The following MYO1E variants were observed in gnomAD, a reference collection of about 807,000 sequenced individuals.
The protein encoded by MYO1E is unconventional myosin-Ie.
In MYO1E, 68 loss-of-function variants were observed where a neutral mutation model predicts 151.1. The observed-to-expected ratio is 0.45, with a 90% confidence interval of 0.37 to 0.55. The LOEUF is 0.55. Ranked by LOEUF, MYO1E falls within the 20% of genes least tolerant of loss-of-function variation. The pLI, the probability that MYO1E is intolerant of heterozygous loss-of-function variation, is 0.00. For missense variants in MYO1E, 1,363 were observed against 1,389.3 expected (o/e 0.98, Z 0.30); for synonymous variants, 601 against 501.7 (o/e 1.20, Z -2.64).
chr15:59,146,251 A>G (rs1342699393), intron 26 of MYO1E, among the ~76,000 whole-genome samples: 5 of 152,232 alleles, frequency 3.3e-5, no homozygotes, highest in African/African-American at 1.2e-4. Context: ...ATTTCTAATA[A>G]ACATCACAGA....
In MYO1E at chr15:59,178,305, T is replaced by G. The variant is rs537875558; in HGVS notation, c.2049+88A>C. The G allele has an allele frequency of 1.3e-5, 20 of 1,505,614 alleles. No homozygotes were observed. The African/African-American group carries it at 2.2e-4, about 17-fold the overall frequency. 93.3% of individuals were successfully genotyped at this position (1,505,614 alleles called of 1,614,324 possible). A position where few individuals can be genotyped will look rare whatever the true frequency, so the allele number is the denominator to read the frequency against. ...AACATTGATGGCATGAAGCGAAGAA[T>G]GAGAAAAAGAAGCCAGCTGAGGGGT... is the stretch of plus-strand genomic sequence containing the variant. On this transcript the variant is annotated intron_variant, in intron 19 of 27. Coordinates refer to ENST00000288235, the MANE Select transcript of MYO1E (RefSeq NM_004998.4).
intron 1 of MYO1E, among the ~76,000 whole-genome samples, chr15:59,274,556 C>T (rs1323454428): frequency 6.6e-6 from 1 of 152,088 alleles, no homozygotes; most frequent in South Asian, 2.1e-4. Context: ...CCATAGACAT[C>T]TAAAAATGGA....
chr15:59,227,682 T>C, intron 6 of MYO1E, 92 bp from the exon 7 acceptor site: 2 of 1,500,860 alleles, frequency 1.3e-6, no homozygotes, highest in African/African-American at 1.4e-5. Context: ...TTCAAGGAAA[T>C]TCATTAATAA....
intron 12 of MYO1E, among the ~76,000 whole-genome samples, chr15:59,211,199 C>CAAA (rs34629822): frequency 8.6e-6 from 1 of 116,164 alleles, no homozygotes; most frequent in Admixed American, 8.8e-5. Flanking sequence ...AACTCCAACT[C>CAAA]AAAAAAAAAA....
intron 10 of MYO1E, among the ~76,000 whole-genome samples, chr15:59,216,695 CACA>C: frequency 5.7e-5 from 1 of 17,698 alleles, no homozygotes; most frequent in East Asian, 4.6e-3. Flanking sequence ...TACACATACA[CACA>C]CACACACACA....
At chr15:59,237,355 G>A (rs537630407) in intron 4 of MYO1E, among the ~76,000 whole-genome samples, 5 of 152,234 alleles carry the variant, frequency 3.3e-5, no homozygotes, top group African/African-American at 1.2e-4. Flanking sequence ...AATCACATCC[G>A]GAGTAACAAA....
At chr15:59,154,661 TA>T (rs1297461993) in intron 25 of MYO1E, among the ~76,000 whole-genome samples, 1 of 152,132 alleles carries the variant, frequency 6.6e-6, no homozygotes, top group African/African-American at 2.4e-5. Context: ...AGGAAAGGAT[TA>T]GGGGTTCAGT....
intron 25 of MYO1E, among the ~76,000 whole-genome samples, chr15:59,158,085 C>T (rs1468811516): frequency 6.6e-6 from 1 of 152,178 alleles, no homozygotes; most frequent in African/African-American, 2.4e-5. Context: ...CAAACTCAGC[C>T]GCAGTTCAGT....
At chr15:59,341,159 C>T (rs2080763173) in intron 1 of MYO1E, among the ~76,000 whole-genome samples, 2 of 152,010 alleles carry the variant, frequency 1.3e-5, no homozygotes, top group South Asian at 4.2e-4. Flanking sequence ...GTAATAATCA[C>T]ATGATCGAAA....
chr15:59,183,810 C>A (rs549839427), intron 18 of MYO1E, among the ~76,000 whole-genome samples: 11 of 152,192 alleles, frequency 7.2e-5, no homozygotes, highest in African/African-American at 2.2e-4. Flanking sequence ...CATTAACCAT[C>A]TGCACCTCCC....
At position 59,207,096 on chromosome 15, in the gene MYO1E, T is replaced by C. The variant is rs2079841267; in HGVS notation, c.1530+1585A>G. Reference sequence around the variant, plus strand: ...TCACCCCCGTGAGCAAGATGGCGACTGTGAAGAGTGAGCTTATTGAGCGTT... The same window carrying C: ...TCACCCCCGTGAGCAAGATGGCGACCGTGAAGAGTGAGCTTATTGAGCGTT... On this transcript the variant is annotated intron_variant, in intron 14 of 27. Transcript: ENST00000288235. The C allele has an allele frequency of 2.5e-6, 4 of 1,614,240 alleles. No individual in the cohort carries two copies. In the East Asian group the frequency reaches 8.9e-5, roughly 36 times the overall value.
At chr15:59,211,778 T>A (rs907680765) in intron 12 of MYO1E, among the ~76,000 whole-genome samples, 14 of 152,184 alleles carry the variant, frequency 9.2e-5, no homozygotes, top group Admixed American at 2.6e-4. Context: ...TTGCTAATTA[T>A]TTTGAGCAAG....
chr15:59,172,143 G>A, intron 21 of MYO1E, 101 bp from the exon 22 acceptor site: 2 of 1,364,346 alleles, frequency 1.5e-6, no homozygotes, highest in Non-Finnish European at 1.0e-6. Context: ...AATCACCTGA[G>A]GTCAGGAGTT....
chr15:59,201,042 T>C (rs967811035), intron 16 of MYO1E, among the ~76,000 whole-genome samples: 1 of 152,206 alleles, frequency 6.6e-6, no homozygotes, highest in Non-Finnish European at 1.5e-5. Context: ...CCAGTATGAT[T>C]TTAAAAAATA....
Position 59,181,087 on chromosome 15 carries a change from G to A in MYO1E, c.1905-2550C>T, listed in dbSNP as rs551062901. 3.9e-4 allele frequency among the ~76,000 whole-genome samples: 60 copies of A among 152,054 alleles called. No homozygotes were observed. In the South Asian group the frequency reaches 9.1e-3, roughly 23 times the overall value. ...TGAGATTAAGGATGTTTCTGACCTC[G>A]GAGGACACAAACATCCTGGCAGCCA... On this transcript the variant is annotated intron_variant, in intron 18 of 27. Coordinates refer to ENST00000288235, the MANE Select transcript of MYO1E (RefSeq NM_004998.4).
intron 1 of MYO1E, among the ~76,000 whole-genome samples, chr15:59,351,805 T>C (rs1246154831): frequency 2.0e-5 from 3 of 152,128 alleles, no homozygotes; most frequent in African/African-American, 2.4e-5. Context: ...GTCTCCAGCA[T>C]AGATGCCTGG....
At chr15:59,346,599 C>T (rs2080795433) in intron 1 of MYO1E, among the ~76,000 whole-genome samples, 2 of 152,030 alleles carry the variant, frequency 1.3e-5, no homozygotes, top group African/African-American at 4.8e-5. Context: ...AAATCAGTAA[C>T]AAGGGTAATA....
intron 17 of MYO1E, among the ~76,000 whole-genome samples, chr15:59,190,894 A>T (rs1477032917): frequency 6.6e-6 from 1 of 152,106 alleles, no homozygotes; most frequent in African/African-American, 2.4e-5. Context: ...CTGGGCCTGG[A>T]GGGGCGAGTT....
At chr15:59,294,253 C>T (rs1596404161) in intron 1 of MYO1E, among the ~76,000 whole-genome samples, 1 of 152,272 alleles carries the variant, frequency 6.6e-6, no homozygotes, top group East Asian at 1.9e-4. Context: ...ATCTCATGAT[C>T]GTGCCCCTTA....
Sources: allele counts gnomAD v4.1 joint callset (sites outside exome capture counted in the v4.1 genomes callset), GRCh38; gene constraint gnomAD v4.1.1; transcripts MANE v1.5; gene names NCBI Gene and HGNC (gene_info 2026-07-23, HGNC 2026-07-21).